The following RAB11FIP3 variants were observed in gnomAD, a reference collection of about 807,000 sequenced individuals.
RAB11FIP3 encodes the protein rab11 family-interacting protein 3.
A neutral mutation model predicts 77.8 loss-of-function variants in RAB11FIP3; 17 were observed. The observed-to-expected ratio is 0.22, with a 90% CI of 0.15 to 0.33. RAB11FIP3 has a LOEUF of 0.33. Among genes scored for constraint, RAB11FIP3 ranks in the 10% least tolerant of loss-of-function variants. The pLI, the probability that RAB11FIP3 is intolerant of heterozygous loss-of-function variation, is 1.00. For synonymous variants in RAB11FIP3, 437 were observed against 448.2 expected, an observed-to-expected ratio of 0.98 and a Z score of 0.31; for missense variants, 1,005 against 1,011.2, an observed-to-expected ratio of 0.99 and a Z score of 0.08.
At chr16:493,244 C>G (rs1159522927) in intron 5 of RAB11FIP3, among the ~76,000 whole-genome samples, 2 of 127,540 alleles carry the variant, frequency 1.6e-5, no homozygotes, top group Non-Finnish European at 3.3e-5. Context: ...GAGCCAAACT[C>G]TGACTCCAAA....
At chr16:454,347 T>G (rs2141623587) in intron 1 of RAB11FIP3, among the ~76,000 whole-genome samples, 1 of 152,138 alleles carries the variant, frequency 6.6e-6, no homozygotes, top group Non-Finnish European at 1.5e-5. Flanking sequence ...TGGAGGTCAG[T>G]TGGAGGATTG....
intron 2 of RAB11FIP3, among the ~76,000 whole-genome samples, chr16:470,999 G>C (rs1460510048): frequency 6.7e-6 from 1 of 148,214 alleles, no homozygotes; most frequent in Non-Finnish European, 1.5e-5. Flanking sequence ...TTGCAGTGCT[G>C]TCTGCTTCTT....
intron 8 of RAB11FIP3, 126 bp from the exon 9 acceptor site, chr16:510,534 C>T (rs1435942002): frequency 1.8e-6 from 2 of 1,140,478 alleles, no homozygotes; most frequent in African/African-American, 1.6e-5. Context: ...CGGGGATGCC[C>T]TTCTCGGTGC....
At chr16:458,532 ACC>A (rs2055544375) in intron 1 of RAB11FIP3, among the ~76,000 whole-genome samples, 4 of 135,524 alleles carry the variant, frequency 3.0e-5, no homozygotes, top group African/African-American at 8.7e-5. Context: ...CCTCGGGTTC[ACC>A]GATGCCCACA....
chr16:511,497 G>A (rs1178027496), intron 9 of RAB11FIP3, among the ~76,000 whole-genome samples: 3 of 105,612 alleles, frequency 2.8e-5, no homozygotes, highest in Admixed American at 9.8e-5. Flanking sequence ...GTTCCCCGAC[G>A]GCCCGCCAAC....
At chr16:455,159 T>TA (rs2055480817) in intron 1 of RAB11FIP3, among the ~76,000 whole-genome samples, 1 of 151,126 alleles carries the variant, frequency 6.6e-6, no homozygotes, top group East Asian at 2.0e-4. Flanking sequence ...CAGTGATATG[T>TA]AAAAATCACC....
chr16:497,039 T>G (rs1464501870), intron 6 of RAB11FIP3, 180 bp downstream of exon 6: 3 of 682,366 alleles, frequency 4.4e-6, no homozygotes, highest in Non-Finnish European at 6.8e-6. Context: ...TTTCCAGGGC[T>G]GTGAATTTGG....
intron 2 of RAB11FIP3, among the ~76,000 whole-genome samples, chr16:468,230 GGGAGGA>G (rs1298179341): frequency 1.1e-5 from 1 of 88,554 alleles, no homozygotes. Context: ...TGGGGCGTCA[GGGAGGA>G]GGTGCTGGGG....
At chr16:495,015 G>A (rs1406222038) in intron 5 of RAB11FIP3, among the ~76,000 whole-genome samples, 1 of 151,834 alleles carries the variant, frequency 6.6e-6, no homozygotes, top group South Asian at 2.1e-4. Flanking sequence ...TGCAGAGGTG[G>A]GAGGATCACA....
In RAB11FIP3 at chr16:426,654, G is replaced by C; in HGVS notation, c.648G>C (p.Gly216=). Residue 216 remains glycine (G), a synonymous_variant, in exon 1 of 14, where the codon GGG becomes GGC. Coordinates refer to ENST00000262305, the MANE Select transcript of RAB11FIP3 (RefSeq NM_014700.4). The surrounding 1 kb of genome is among the most constrained non-coding windows in gnomAD (Gnocchi z 5.0). ...GAGCCGTGTTCGATGCCCTGGACGG[G>C]GATGGGGACGGTTTCGTCCGCATCG... ...RLRAVFDALD[G]DGDGFVRIED... 6.4e-7 allele frequency: 1 copy of C among 1,573,614 alleles called. No homozygotes were observed. The highest frequency in any genetic ancestry group is 8.6e-7 in the Non-Finnish European group (1 of 1,161,238).
rs142975133 is a variant in RAB11FIP3 at position 438,067 on chromosome 16, C to T, written c.714+11347C>T. ...TAAGTGATCCACCCACCTTGGCCTC[C>T]CAAAGTGCTGGGATTACAGGCATCA... On this transcript the variant is annotated intron_variant, in intron 1 of 13. Transcript: ENST00000262305. Among the ~76,000 whole-genome samples the T allele has an allele frequency of 6.5e-4, 99 of 151,892 alleles. 2 individuals carry two copies. Among genetic ancestry groups the T allele is most frequent in the South Asian group, 6.0e-3 (29 of 4,806 alleles).
rs1227381702 is a variant in RAB11FIP3 at position 516,606 on chromosome 16, G to T, written c.1641-2337G>T. Among the ~76,000 whole-genome samples the T allele has an allele frequency of 1.3e-5, 2 of 152,362 alleles. 1 individual carries two copies. The highest frequency in any genetic ancestry group is 4.1e-4 in the South Asian group (2 of 4,834). ...CGAACAGAAAAGAGGGCCGGGCGCG[G>T]TGGCTCACGCCTGTAACCCCAGCAC... On this transcript the variant is annotated intron_variant, in intron 9 of 13. Coordinates refer to ENST00000262305, the MANE Select transcript of RAB11FIP3 (RefSeq NM_014700.4).
chr16:450,464 CCCA>C (rs2055388885), intron 1 of RAB11FIP3, among the ~76,000 whole-genome samples: 1 of 152,144 alleles, frequency 6.6e-6, no homozygotes, highest in Non-Finnish European at 1.5e-5. Context: ...ACAGATGTGA[CCCA>C]CCACGCCCAA....
Position 519,841 on chromosome 16 carries a change from C to T in RAB11FIP3, c.1810C>T (p.Leu604=), listed in dbSNP as rs1596305183. 8.1e-6 allele frequency: 13 copies of T among 1,601,884 alleles called. No homozygotes were observed. The highest frequency in any genetic ancestry group is 1.1e-5 in the Non-Finnish European group (13 of 1,174,528). Residue 604 remains leucine, a synonymous_variant, in exon 11 of 14, where the codon CTG becomes TTG. Transcript: ENST00000262305. Reference sequence around the variant, plus strand: ...GAACAAGAGGAGAATGGGGGACAGGCTGAGTCACGAGAGGCACCAGTTCCA... The same window carrying T: ...GAACAAGAGGAGAATGGGGGACAGGTTGAGTCACGAGAGGCACCAGTTCCA... ...QENKRRMGDR[L]SHERHQFQRD...
chr16:504,946 T>A (rs2031793015), intron 7 of RAB11FIP3, among the ~76,000 whole-genome samples: 1 of 100,732 alleles, frequency 9.9e-6, no homozygotes, highest in African/African-American at 4.1e-5. Flanking sequence ...CCTCCTCCTG[T>A]ACCTCCTCAC....
In RAB11FIP3 at chr16:439,875, C is replaced by T. The variant is rs116274690; in HGVS notation, c.714+13155C>T. On this transcript the variant is annotated intron_variant, in intron 1 of 13. Coordinates refer to ENST00000262305, the MANE Select transcript of RAB11FIP3 (RefSeq NM_014700.4). The stretch of plus-strand genomic sequence containing the variant: ...CTTTTTTTTTTTTGAGACGGGGTCT[C>T]GCTCTGTTGCCCAGCTGGAGTGTGG... 5.9e-3 allele frequency among the ~76,000 whole-genome samples: 893 copies of T among 151,652 alleles called. 9 individuals are homozygous for T. Among genetic ancestry groups the T allele is most frequent in the African/African-American group, 0.02 (841 of 41,290 alleles).
rs1351958093 is a variant in RAB11FIP3, at chr16:461,739, C to G, written c.808+242C>G. On this transcript the variant is annotated intron_variant, in intron 2 of 13. Transcript: ENST00000262305. The surrounding 1 kb of genome is among the most constrained non-coding windows in gnomAD (Gnocchi z 4.5). ...TCCATAATGCTAGAAAGCAACTGCC[C>G]CCTTCCTCAAAGATTTCATGATGAC... is the stretch of plus-strand genomic sequence containing the variant. Among the ~76,000 whole-genome samples, 7 of 152,108 alleles carry G rather than the reference C, an allele frequency of 4.6e-5. No individual in the cohort carries two copies. Among genetic ancestry groups the G allele is most frequent in the Admixed American group, 4.6e-4 (7 of 15,244 alleles).
chr16:464,928 C>G (rs945148209), intron 2 of RAB11FIP3, among the ~76,000 whole-genome samples: 5 of 152,150 alleles, frequency 3.3e-5, no homozygotes, highest in Non-Finnish European at 7.3e-5. Flanking sequence ...TAATTCCAAA[C>G]AGAATTTTGT....
intron 4 of RAB11FIP3, among the ~76,000 whole-genome samples, chr16:484,892 C>T (rs1406180933): frequency 6.6e-6 from 1 of 152,122 alleles, no homozygotes; most frequent in Non-Finnish European, 1.5e-5. Context: ...GCAGGGGCTG[C>T]AGGGTCACCA....
Sources: gnomAD v4.1 joint callset for allele counts (sites outside exome capture counted in the v4.1 genomes callset) on GRCh38, gnomAD v4.1.1 for gene constraint, Gnocchi (gnomAD v3.1) non-coding constraint, MANE v1.5 for transcripts, NCBI Gene and HGNC (gene_info 2026-07-23, HGNC 2026-07-21) for gene names.